The following LTBP1 variants were observed in gnomAD, a reference collection of about 807,000 sequenced individuals.
LTBP1 encodes the protein latent transforming growth factor beta binding protein 1, also known as latent-transforming growth factor beta-binding protein 1.
A neutral mutation model predicts 207.6 loss-of-function variants in LTBP1; 129 were observed. The ratio of observed to expected loss-of-function variants is 0.62; its 90% CI spans 0.54 to 0.72. The LOEUF is 0.72. LTBP1 is among the 30% of genes least tolerant of loss of function. The pLI is 0.00. For missense variants in LTBP1, 2,281 were observed against 2,217.2 expected (o/e 1.03, Z -0.58); for synonymous variants, 963 against 833.7 (o/e 1.16, Z -2.67).
At chr2:33,396,681 T>TA (rs1417016582) in intron 32 of LTBP1, among the ~76,000 whole-genome samples, 1 of 152,224 alleles carries the variant, frequency 6.6e-6, no homozygotes, top group East Asian at 1.9e-4. Context: ...TCTCTGGTCT[T>TA]ACAAACGCCG....
In LTBP1 at chr2:33,031,545, G is replaced by T. The variant is rs914468676; in HGVS notation, c.863+10339G>T. ...ACCTAATAAGCTGCTAAACTATGTG[G>T]TGCATAGTATAAATTCTAATGGCGA... On this transcript the variant is annotated intron_variant, in intron 3 of 33. Coordinates refer to ENST00000404816, the MANE Select transcript of LTBP1 (RefSeq NM_206943.4). Among the ~76,000 whole-genome samples, 5 of 152,208 alleles carry T rather than the reference G, an allele frequency of 3.3e-5. No homozygotes were observed. In the South Asian group the frequency reaches 6.2e-4, roughly 19 times the overall value.
intron 2 of LTBP1, among the ~76,000 whole-genome samples, chr2:32,969,140 G>T (rs1326100524): frequency 6.6e-6 from 1 of 151,226 alleles, no homozygotes; most frequent in Non-Finnish European, 1.5e-5. Context: ...TGGCCAGGCT[G>T]GTCTGGAACT....
At chr2:32,972,782 G>C (rs1486969395) in intron 2 of LTBP1, among the ~76,000 whole-genome samples, 1 of 152,142 alleles carries the variant, frequency 6.6e-6, no homozygotes, top group African/African-American at 2.4e-5. Flanking sequence ...CTGCTGCCAT[G>C]TAAGATGTGC....
At position 33,103,230 on chromosome 2, in the gene LTBP1, G is replaced by A. The variant is rs201424408; in HGVS notation, c.864-7352G>A. Among the ~76,000 whole-genome samples, 1,207 of 151,854 alleles carry A rather than the reference G, an allele frequency of 7.9e-3. 10 individuals are homozygous for A. The highest frequency in any genetic ancestry group is 0.01 in the Middle Eastern group (3 of 288). On this transcript the variant is annotated intron_variant, in intron 3 of 33. Transcript: ENST00000404816. ...CTCTATGTTGTATATATAGTCTGCT[G>A]TATGCGCTGTCTGTATGCAGTCTCT... is the stretch of plus-strand genomic sequence containing the variant.
At chr2:33,348,908 C>A (rs1021426516) in intron 26 of LTBP1, among the ~76,000 whole-genome samples, 1 of 152,108 alleles carries the variant, frequency 6.6e-6, no homozygotes, top group Non-Finnish European at 1.5e-5. Flanking sequence ...TTTTATCATG[C>A]CTCAATTTGT....
intron 4 of LTBP1, among the ~76,000 whole-genome samples, chr2:33,125,115 G>A (rs1057180460): frequency 2.0e-5 from 3 of 152,174 alleles, no homozygotes; most frequent in Non-Finnish European, 4.4e-5. Flanking sequence ...TTTCCCAAGC[G>A]TATAGCATTC....
At chr2:33,187,139 A>G in intron 6 of LTBP1, 59 bp downstream of exon 6, 1 of 1,485,192 alleles carries the variant, frequency 6.7e-7, no homozygotes, top group Non-Finnish European at 9.3e-7. Context: ...AAACCCACAT[A>G]GAAGTCAAGG....
intron 5 of LTBP1, among the ~76,000 whole-genome samples, chr2:33,179,095 G>A (rs2086360748): frequency 6.6e-6 from 1 of 152,172 alleles, no homozygotes; most frequent in South Asian, 2.1e-4. Context: ...TCTAGAGCAA[G>A]CTTGTCCAAC....
chr2:32,978,338 C>G (rs1206266297), intron 2 of LTBP1, among the ~76,000 whole-genome samples: 1 of 152,126 alleles, frequency 6.6e-6, no homozygotes, highest in African/African-American at 2.4e-5. Context: ...GTCTATCATA[C>G]AGACTTTTTG....
intron 3 of LTBP1, among the ~76,000 whole-genome samples, chr2:33,025,009 G>C (rs1266415984): frequency 6.6e-6 from 1 of 152,200 alleles, no homozygotes; most frequent in African/African-American, 2.4e-5. Flanking sequence ...GCTGTTGGCA[G>C]AAAGCTTCAC....
chr2:33,144,406 G>T (rs970746442), intron 5 of LTBP1, among the ~76,000 whole-genome samples: 2 of 152,062 alleles, frequency 1.3e-5, no homozygotes, highest in Non-Finnish European at 2.9e-5. Flanking sequence ...GCCTTGGATC[G>T]TGCTTCTTCT....
intron 2 of LTBP1, among the ~76,000 whole-genome samples, chr2:32,980,078 T>A (rs1682522890): frequency 6.6e-6 from 1 of 152,118 alleles, no homozygotes; most frequent in Non-Finnish European, 1.5e-5. Flanking sequence ...GAAGTGTGTT[T>A]CTTATAGGCA....
chr2:33,131,047 A>T (rs1253637988), intron 4 of LTBP1, among the ~76,000 whole-genome samples: 1 of 151,868 alleles, frequency 6.6e-6, no homozygotes, highest in Non-Finnish European at 1.5e-5. Flanking sequence ...GTTAGTCCTG[A>T]GCTTGTTTTC....
At chr2:33,086,716 T>C (rs1218414241) in intron 3 of LTBP1, among the ~76,000 whole-genome samples, 1 of 152,170 alleles carries the variant, frequency 6.6e-6, no homozygotes, top group East Asian at 1.9e-4. Context: ...ACAATTGTTA[T>C]CTCTACTGGC....
intron 10 of LTBP1, among the ~76,000 whole-genome samples, chr2:33,246,452 GGGACTGGA>G (rs1420024590): frequency 6.6e-6 from 1 of 151,184 alleles, no homozygotes; most frequent in African/African-American, 2.5e-5. Context: ...ATAGCAGGAG[GGGACTGGA>G]GATCACACAC....
chr2:33,310,072 T>C (rs2094160562), intron 23 of LTBP1, among the ~76,000 whole-genome samples: 1 of 151,756 alleles, frequency 6.6e-6, no homozygotes, highest in Admixed American at 6.6e-5. Context: ...CTCAGCTTCC[T>C]GAGTAGCTGG....
intron 3 of LTBP1, among the ~76,000 whole-genome samples, chr2:33,075,547 C>A (rs973079455): frequency 5.3e-5 from 8 of 152,174 alleles, no homozygotes; most frequent in African/African-American, 1.4e-4. Flanking sequence ...GAGAGTTATG[C>A]TGGAATTATG....
At chr2:33,175,105 T>G (rs552884608) in intron 5 of LTBP1, among the ~76,000 whole-genome samples, 85 of 152,134 alleles carry the variant, frequency 5.6e-4, no homozygotes, top group African/African-American at 2.0e-3. Context: ...GGGCAAGGAC[T>G]TCATGTCTAA....
At chr2:32,981,428 CT>C (rs1480071040) in intron 2 of LTBP1, among the ~76,000 whole-genome samples, 1 of 152,134 alleles carries the variant, frequency 6.6e-6, no homozygotes, top group East Asian at 1.9e-4. Context: ...TTTGGGGCAG[CT>C]TTGTGATCTC....
Sources: gnomAD v4.1 joint callset for allele counts (sites outside exome capture counted in the v4.1 genomes callset) on GRCh38, gnomAD v4.1.1 for gene constraint, MANE v1.5 for transcripts, NCBI Gene and HGNC (gene_info 2026-07-23, HGNC 2026-07-21) for gene names.